Variants in RBFOX1 observed in about 807,000 individuals in gnomAD.
RBFOX1 encodes RNA binding protein fox-1 homolog 1.
A neutral mutation model predicts 57.7 loss-of-function variants in RBFOX1; 8 were observed. The observed-to-expected ratio is 0.14, with a 90% confidence interval of 0.08 to 0.25. The LOEUF is 0.25. Among genes scored for constraint, RBFOX1 ranks in the 10% least tolerant of loss-of-function variants. The probability of loss-of-function intolerance (pLI) is 1.00; values close to 1 mark genes in which losing one functional copy is unlikely to be tolerated. For missense variants in RBFOX1, 611 were observed against 548.5 expected, an observed-to-expected ratio of 1.11 and a Z score of -1.14; for synonymous variants, 326 against 222.4, an observed-to-expected ratio of 1.47 and a Z score of -4.15.
intron 3 of RBFOX1, among the ~76,000 whole-genome samples, chr16:6,810,187 C>T (rs917404560): frequency 6.6e-6 from 1 of 152,128 alleles, no homozygotes; most frequent in Non-Finnish European, 1.5e-5. Flanking sequence ...CTTATGTGTG[C>T]AACTTGGAGT....
At chr16:6,130,204 A>T (rs544505974) in intron 1 of RBFOX1, among the ~76,000 whole-genome samples, 72 of 152,264 alleles carry the variant, frequency 4.7e-4, no homozygotes, top group African/African-American at 1.7e-3. Flanking sequence ...ATACAGTTTT[A>T]TTCTTGGGTT....
chr16:6,483,554 G>A, intron 2 of RBFOX1: 9 of 1,535,536 alleles, frequency 5.9e-6, no homozygotes, highest in Non-Finnish European at 7.8e-6. Flanking sequence ...GGTACGGCGA[G>A]CGAAGAAGAC....
intron 12 of RBFOX1, among the ~76,000 whole-genome samples, chr16:7,658,789 A>G (rs1026978981): frequency 5.9e-5 from 9 of 152,200 alleles, no homozygotes; most frequent in African/African-American, 1.7e-4. Flanking sequence ...CAGTGGTACA[A>G]TCTCTGCTCA....
chr16:7,157,671 A>G (rs1213560445), intron 4 of RBFOX1, among the ~76,000 whole-genome samples: 1 of 152,162 alleles, frequency 6.6e-6, no homozygotes, highest in Non-Finnish European at 1.5e-5. Flanking sequence ...CAGTATCTCT[A>G]CACGCCATAG....
intron 1 of RBFOX1, among the ~76,000 whole-genome samples, chr16:5,324,648 C>T (rs1042104415): frequency 1.1e-4 from 16 of 152,116 alleles, no homozygotes; most frequent in Non-Finnish European, 1.8e-4. Context: ...GAAATCATGT[C>T]CTTTGCAGGA....
In RBFOX1 at chr16:6,899,205, GTA is replaced by G. The variant is rs371402525; in HGVS notation, c.-15-152848_-15-152847del. Among the ~76,000 whole-genome samples, 56 of 148,308 alleles carry G rather than the reference GTA, an allele frequency of 3.8e-4. No individual in the cohort carries two copies. The East Asian group carries it at 7.4e-3, about 20-fold the overall frequency. On this transcript the variant is annotated intron_variant, in intron 3 of 15. Coordinates refer to ENST00000550418, the MANE Select transcript of RBFOX1 (RefSeq NM_018723.4). ...AATATGTGTGTGAGTGCATATGTGT[GTA>G]TATGTGTGTGTATGTGTGGATGCGT...
intron 11 of RBFOX1, among the ~76,000 whole-genome samples, chr16:7,641,697 C>T (rs1048523068): frequency 1.3e-5 from 2 of 152,128 alleles, no homozygotes; most frequent in Non-Finnish European, 2.9e-5. Context: ...AGTGGTTTTA[C>T]AGCATTTTTC....
chr16:6,776,455 A>G (rs2079372238), intron 3 of RBFOX1, among the ~76,000 whole-genome samples: 1 of 151,988 alleles, frequency 6.6e-6, no homozygotes, highest in African/African-American at 2.4e-5. Flanking sequence ...ACAAAAAAAC[A>G]TCAAGGAGAA....
chr16:7,157,498 G>T (rs995057920), intron 4 of RBFOX1, among the ~76,000 whole-genome samples: 2 of 152,130 alleles, frequency 1.3e-5, no homozygotes, highest in Non-Finnish European at 2.9e-5. Flanking sequence ...TCTGGGATTC[G>T]TTGGGGGCCT....
At position 5,626,773 on chromosome 16, in the gene RBFOX1, T is replaced by G. The variant is rs554526704; in HGVS notation, c.318+27812T>G. On this transcript the variant is annotated intron_variant, in intron 3 of 19. Coordinates refer to the RBFOX1 transcript ENST00000641259. ...ACTGGGACTGAAGGTTCAACCAGGGTTTTAAAAAAAAAAGCTCAACTCTCT... is the reference window on the plus strand; with the variant it reads ...ACTGGGACTGAAGGTTCAACCAGGGGTTTAAAAAAAAAAGCTCAACTCTCT... 1.5e-3 allele frequency among the ~76,000 whole-genome samples: 232 copies of G among 152,218 alleles called. 1 individual carries two copies. The highest frequency in any genetic ancestry group is 5.1e-3 in the African/African-American group (211 of 41,532).
chr16:5,957,571 A>T (rs1426710883), intron 4 of RBFOX1, among the ~76,000 whole-genome samples: 1 of 152,154 alleles, frequency 6.6e-6, no homozygotes, highest in Non-Finnish European at 1.5e-5. Flanking sequence ...GGAGCAGCTG[A>T]TCCTTCATAT....
intron 3 of RBFOX1, among the ~76,000 whole-genome samples, chr16:5,724,692 A>C (rs1479754509): frequency 6.6e-6 from 1 of 152,180 alleles, no homozygotes; most frequent in Non-Finnish European, 1.5e-5. Context: ...CCCATCACAC[A>C]GAGAGCCCAG....
chr16:5,938,010 T>G (rs2059201609), intron 4 of RBFOX1, among the ~76,000 whole-genome samples: 1 of 152,204 alleles, frequency 6.6e-6, no homozygotes, highest in African/African-American at 2.4e-5. Flanking sequence ...ATTTAATTTT[T>G]GGGTATCTGT....
intron 3 of RBFOX1, among the ~76,000 whole-genome samples, chr16:6,799,299 G>A (rs1395113985): frequency 6.6e-6 from 1 of 152,126 alleles, no homozygotes; most frequent in Non-Finnish European, 1.5e-5. Flanking sequence ...TTGGCTAGCT[G>A]TATTTCTAGC....
chr16:6,376,065 A>G (rs1369797422), intron 2 of RBFOX1, among the ~76,000 whole-genome samples: 1 of 152,144 alleles, frequency 6.6e-6, no homozygotes, highest in Non-Finnish European at 1.5e-5. Flanking sequence ...TTGACTTCTC[A>G]GAGCAAACCA....
At chr16:7,101,963 A>G (rs1437956784) in intron 4 of RBFOX1, among the ~76,000 whole-genome samples, 2 of 152,172 alleles carry the variant, frequency 1.3e-5, no homozygotes, top group Non-Finnish European at 2.9e-5. Context: ...TTGTACCACA[A>G]GCCTAGTGCT....
chr16:6,625,157 TAAA>T (rs34634402), intron 2 of RBFOX1, among the ~76,000 whole-genome samples: 1,525 of 56,228 alleles, frequency 0.027, 24 homozygotes, highest in Admixed American at 0.082. Flanking sequence ...CAACCCTATC[TAAA>T]AAAAAAAAAA....
chr16:6,060,136 T>G (rs1020415595), intron 1 of RBFOX1, among the ~76,000 whole-genome samples: 18 of 22,966 alleles, frequency 7.8e-4, no homozygotes, highest in South Asian at 3.9e-3. Flanking sequence ...TTTTTTTTTT[T>G]TTTTTTTTTT....
chr16:5,903,588 C>T (rs1048827184), intron 4 of RBFOX1, among the ~76,000 whole-genome samples: 1 of 152,144 alleles, frequency 6.6e-6, no homozygotes, highest in African/African-American at 2.4e-5. Context: ...CTGTCTCTTG[C>T]AGCCGTGGGA....
Sources: gnomAD v4.1 joint callset for allele counts (sites outside exome capture counted in the v4.1 genomes callset) on GRCh38, gnomAD v4.1.1 for gene constraint, MANE v1.5 for transcripts, NCBI Gene and HGNC (gene_info 2026-07-23, HGNC 2026-07-21) for gene names.